The following PCDH10 variants were observed in gnomAD, a reference collection of about 807,000 sequenced individuals.
The protein encoded by PCDH10 is protocadherin-10.
Under a neutral mutation model 74.4 loss-of-function variants are expected in PCDH10, and 15 were observed. The ratio of observed to expected loss-of-function variants is 0.20; its 90% confidence interval spans 0.13 to 0.31. The LOEUF is 0.31. Ranked by LOEUF, PCDH10 falls within the 10% of genes least tolerant of loss-of-function variation. PCDH10 has a pLI of 1.00. For synonymous variants in PCDH10, 619 were observed against 589.8 expected (o/e 1.05, Z -0.72); for missense variants, 1,260 against 1,390.2 (o/e 0.91, Z 1.49).
chr4:133,188,971 G>A (rs1198443863), intron 4 of PCDH10, among the ~76,000 whole-genome samples: 5 of 151,864 alleles, frequency 3.3e-5, no homozygotes, highest in African/African-American at 9.7e-5. Context: ...CACCACATCC[G>A]GCCGACTGCT....
intron 2 of PCDH10, among the ~76,000 whole-genome samples, chr4:133,203,806 A>G (rs1727950422): frequency 6.6e-6 from 1 of 152,206 alleles, no homozygotes; most frequent in African/African-American, 2.4e-5. Context: ...GGAGCCTAGC[A>G]GTCCACCTGT....
intron 4 of PCDH10, among the ~76,000 whole-genome samples, chr4:133,169,109 T>A (rs1263397699): frequency 6.6e-6 from 1 of 151,768 alleles, no homozygotes; most frequent in Non-Finnish European, 1.5e-5. Flanking sequence ...TTAACCCTTT[T>A]AGAATTTTAA....
intron 2 of PCDH10, 147 bp from the exon 3 acceptor site, chr4:133,154,770 G>T (rs1726827587): frequency 1.6e-6 from 1 of 615,502 alleles, no homozygotes. Flanking sequence ...TTAAGCTTAG[G>T]CTATAAAAAC....
chr4:133,208,207 A>C (rs902124058), exon 3 of PCDH10: 1 of 152,202 alleles, frequency 6.6e-6, no homozygotes, highest in Admixed American at 6.5e-5. Context: ...CCCTGCTGAC[A>C]GTTTGACTGC....
intron 2 of PCDH10, among the ~76,000 whole-genome samples, chr4:133,205,767 T>C (rs568903718): frequency 6.6e-6 from 1 of 152,228 alleles, no homozygotes; most frequent in South Asian, 2.1e-4. Context: ...GTTTTTATTT[T>C]ATTACTACTA....
chr4:133,168,732 A>G lies in PCDH10; in HGVS notation c.3103+5450A>G, dbSNP rs149883762. On this transcript the variant is annotated intron_variant, in intron 4 of 4. Coordinates refer to ENST00000264360, the MANE Select transcript of PCDH10 (RefSeq NM_032961.3). ...CAGCTATGCATATTATAAATGCTAA[A>G]TAATTATGTGATGAAAAATGAATTA... 7.8e-4 allele frequency among the ~76,000 whole-genome samples: 118 copies of G among 151,764 alleles called. 1 individual carries two copies. The highest frequency in any genetic ancestry group is 1.3e-3 in the Non-Finnish European group (91 of 67,604).
intron 4 of PCDH10, among the ~76,000 whole-genome samples, chr4:133,173,856 T>C (rs1727243843): frequency 6.6e-6 from 1 of 151,808 alleles, no homozygotes; most frequent in Non-Finnish European, 1.5e-5. Flanking sequence ...AAATGCTGAG[T>C]ATGAAAATGT....
intron 4 of PCDH10, among the ~76,000 whole-genome samples, chr4:133,170,549 A>G (rs985591128): frequency 6.6e-6 from 1 of 152,226 alleles, no homozygotes; most frequent in African/African-American, 2.4e-5. Context: ...AATTATATCT[A>G]TCGAACAGAC....
intron 4 of PCDH10, among the ~76,000 whole-genome samples, chr4:133,166,536 T>C (rs1191959759): frequency 6.6e-6 from 1 of 151,508 alleles, no homozygotes; most frequent in Non-Finnish European, 1.5e-5. Flanking sequence ...TAAATAAAAA[T>C]ATAAAATGAA....
intron 1 of PCDH10, chr4:133,153,762 C>T (rs1224271224): frequency 6.6e-6 from 1 of 152,334 alleles, no homozygotes; most frequent in Admixed American, 6.6e-5. Context: ...GAACTCCTTT[C>T]CTGGCAGGTT....
intron 4 of PCDH10, among the ~76,000 whole-genome samples, chr4:133,179,100 G>C (rs986513495): frequency 9.2e-5 from 14 of 151,982 alleles, no homozygotes; most frequent in African/African-American, 3.4e-4. Context: ...GCAGTGTTTT[G>C]TTACATTTTG....
rs1445741897 is a variant in PCDH10 at position 133,193,529 on chromosome 4, G to A, written c.*3369G>A. ...ATTCCCAATATAATCTTTAACAACT[G>A]TACGTTAATTGTACCATTTTACCTT... On this transcript the variant is annotated 3_prime_UTR_variant, in exon 5 of 5. Transcript: ENST00000264360. The A allele has an allele frequency of 2.0e-5, 3 of 151,624 alleles. No individual in the cohort carries two copies. Among genetic ancestry groups the A allele is most frequent in the Non-Finnish European group, 4.4e-5 (3 of 67,662 alleles). 9.4% of individuals were successfully genotyped at this position (151,624 alleles called of 1,614,324 possible).
Position 133,191,841 on chromosome 4 carries a change from T to G in PCDH10, c.*1681T>G, listed in dbSNP as rs1421256301. On this transcript the variant is annotated 3_prime_UTR_variant, in exon 5 of 5. Transcript: ENST00000264360. ...AACTGATCTTATATTCAATGACAGT[T>G]TGAGCTGCACTGTGTTATTAAAGAA... The G allele has an allele frequency of 6.6e-6, 1 of 151,624 alleles. No homozygotes were observed. The highest frequency in any genetic ancestry group is 1.5e-5 in the Non-Finnish European group (1 of 67,700). 9.4% of individuals were successfully genotyped at this position (151,624 alleles called of 1,614,324 possible).
chr4:133,157,619 A>T (rs1291932152), intron 3 of PCDH10, among the ~76,000 whole-genome samples: 1 of 152,034 alleles, frequency 6.6e-6, no homozygotes, highest in Non-Finnish European at 1.5e-5. Flanking sequence ...AAAGATAGAG[A>T]CTCCGAATTC....
chr4:133,186,461 T>A (rs906904070), intron 4 of PCDH10, among the ~76,000 whole-genome samples: 7 of 152,138 alleles, frequency 4.6e-5, no homozygotes, highest in Non-Finnish European at 7.4e-5. Context: ...GAAAAAGAAA[T>A]CCTCCAAGCA....
At chr4:133,168,315 G>C (rs1727129886) in intron 4 of PCDH10, among the ~76,000 whole-genome samples, 1 of 151,118 alleles carries the variant, frequency 6.6e-6, no homozygotes, top group Non-Finnish European at 1.5e-5. Context: ...TACTTACTCA[G>C]ACATCAGTAC....
Position 133,150,285 on chromosome 4 carries a change from T to G in PCDH10, c.145T>G (p.Ser49Ala). 2 of 1,613,990 alleles carry G rather than the reference T, an allele frequency of 1.2e-6. No homozygotes were observed. Among genetic ancestry groups the G allele is most frequent in the Non-Finnish European group, 1.7e-6 (2 of 1,179,986 alleles). ...TCTGGGTCTGGACATTACAAAACTT[T>G]CGGCTCGCGGGTTTCAGACGGTGCC... ...EDLGLDITKL[S>A]ARGFQTVPNS... Residue 49 changes from serine to alanine, a missense_variant, in exon 1 of 5, where the codon TCG becomes GCG. Ser to Ala is a moderately conservative substitution (Grantham distance 99). Transcript: ENST00000264360.
intron 2 of PCDH10, among the ~76,000 whole-genome samples, chr4:133,201,054 A>C (rs1018980488): frequency 6.6e-6 from 1 of 152,174 alleles, no homozygotes; most frequent in Non-Finnish European, 1.5e-5. Context: ...CCTCTTAATG[A>C]CATGTTATAT....
At position 133,150,947 on chromosome 4, in the gene PCDH10, G is replaced by T; in HGVS notation, c.807G>T (p.Val269=). The T allele has an allele frequency of 3.7e-6, 6 of 1,613,952 alleles. No homozygotes were observed. Among genetic ancestry groups the T allele is most frequent in the Non-Finnish European group, 5.1e-6 (6 of 1,180,046 alleles). The change falls in exon 1 of 5, where the codon GTG becomes GTT. Residue 269 remains valine (V), a synonymous_variant. Transcript: ENST00000264360. ...AGAACTCTCCCCCAGGCACTCTCGT[G>T]ATCCAGCTCAACGCCACCGACCCGG... ...LPENSPPGTL[V]IQLNATDPDE... is the part of the protein sequence containing the mutation.
Sources: allele counts gnomAD v4.1 joint callset (sites outside exome capture counted in the v4.1 genomes callset), GRCh38; gene constraint gnomAD v4.1.1; transcripts MANE v1.5; gene names NCBI Gene and HGNC (gene_info 2026-07-23, HGNC 2026-07-21).